Variants in SUN2 observed in about 807,000 individuals in gnomAD.
The protein encoded by SUN2 is Sad1 and UNC84 domain containing 2.
Under a neutral mutation model 100.0 loss-of-function variants are expected in SUN2, and 60 were observed. That is an observed-to-expected ratio of 0.60 (90% CI 0.49 to 0.74). SUN2 has a LOEUF of 0.74. Ranked by LOEUF, SUN2 falls within the 30% of genes least tolerant of loss-of-function variation. SUN2 has a pLI of 0.00. For synonymous variants in SUN2, 367 were observed against 403.3 expected (o/e 0.91, Z 1.08); for missense variants, 834 against 954.6 (o/e 0.87, Z 1.66).
rs1248932105 is a variant in SUN2 at position 38,735,497 on chromosome 22, C to T, written c.*770G>A. Reference sequence around the variant, plus strand: ...AAGCAAGCTCAGGGGCACTGGCAGGCCCTAGCAGGAACAGGGAGCAGGGTG... The same window carrying T: ...AAGCAAGCTCAGGGGCACTGGCAGGTCCTAGCAGGAACAGGGAGCAGGGTG... On this transcript the variant is annotated 3_prime_UTR_variant, in exon 18 of 18. Coordinates refer to ENST00000689035, the MANE Select transcript of SUN2 (RefSeq NM_015374.3). 3 of 289,958 alleles carry T rather than the reference C, an allele frequency of 1.0e-5. No individual in the cohort carries two copies. Among genetic ancestry groups the T allele is most frequent in the African/African-American group, 6.7e-5 (3 of 44,734 alleles). The allele number at this position is 289,958 out of a possible 1,614,324, so 18.0% of individuals were successfully genotyped here. A position where few individuals can be genotyped will look rare whatever the true frequency, so the allele number is the denominator to read the frequency against.
rs773530330 is a variant in SUN2, at chr22:38,739,023, C to T, written c.1664-35G>A. ...GAGAGGAAGGCAGGGTGGGCTCCCG[C>T]ACGGGAGGAGGGCCCCGCTCAGGCC... On this transcript the variant is annotated intron_variant, in intron 14 of 17. Coordinates refer to ENST00000689035, the MANE Select transcript of SUN2 (RefSeq NM_015374.3). The surrounding 1 kb of genome is among the most constrained non-coding windows in gnomAD (Gnocchi z 6.7). 2.5e-6 allele frequency: 4 copies of T among 1,577,052 alleles called. No individual in the cohort carries two copies. In the South Asian group the frequency reaches 4.6e-5, roughly 18 times the overall value.
Position 38,739,968 on chromosome 22 carries a change from C to A in SUN2, c.1357-25G>T, listed in dbSNP as rs768430255. On this transcript the variant is annotated intron_variant, in intron 12 of 17. Transcript: ENST00000689035. This position sits in a 1 kb window ranked among gnomAD's most constrained non-coding sequence, Gnocchi z 6.7. Reference sequence around the variant, plus strand: ...CCTATAGGAACCCAAAGGGGTGTCACCCTGGGGGGCTTGCAGGGACAGCAG... The same window carrying A: ...CCTATAGGAACCCAAAGGGGTGTCAACCTGGGGGGCTTGCAGGGACAGCAG... The A allele has an allele frequency of 5.6e-6, 9 of 1,601,348 alleles. No individual in the cohort carries two copies. In the African/African-American group the frequency reaches 6.7e-5, roughly 12 times the overall value.
chr22:38,750,472 G>A, intron 4 of SUN2, 152 bp from the exon 5 acceptor site: 1 of 1,442,738 alleles, frequency 6.9e-7, no homozygotes, highest in East Asian at 2.5e-5. Context: ...TGAAATGGGA[G>A]CTCTTTGACA....
At chr22:38,746,665 G>GTA (rs2092905881) in intron 7 of SUN2, among the ~76,000 whole-genome samples, 1 of 152,208 alleles carries the variant, frequency 6.6e-6, no homozygotes, top group African/African-American at 2.4e-5. Context: ...ACAAGGCCAT[G>GTA]GTGAAGCTCA....
At chr22:38,741,641 G>T in intron 9 of SUN2, 70 bp from the exon 10 acceptor site, 1 of 1,436,632 alleles carries the variant, frequency 7.0e-7, no homozygotes, top group Non-Finnish European at 9.8e-7. Context: ...ACTAGGAAGT[G>T]GCGGAACTGG....
chr22:38,750,270 C>G lies in SUN2; in HGVS notation c.475G>C (p.Val159Leu), dbSNP rs201453554. ...QSSSSRLRSA[V>L]SRAGSLLWMV... Reference sequence around the variant, plus strand: ...CAGAGTAAGGAGCCCGCCCGTGAGACGGCGCTTCGGAGCCGCGAGCTGGAA... The same window carrying G: ...CAGAGTAAGGAGCCCGCCCGTGAGAGGGCGCTTCGGAGCCGCGAGCTGGAA... Residue 159 changes from valine (V) to leucine (L), a missense_variant, in exon 5 of 18, where the codon GTC (valine) becomes CTC (leucine). By Grantham distance (32) the Val-to-Leu change is conservative (BLOSUM62 1). Around this residue, in one of 3 missense-constraint regions of SUN2, gnomAD observed 559 missense variants for 597.7 expected, o/e 0.94. Transcript: ENST00000689035. 1 of 1,613,822 alleles carries G rather than the reference C, an allele frequency of 6.2e-7. No homozygotes were observed. Among genetic ancestry groups the G allele is most frequent in the South Asian group, 1.1e-5 (1 of 91,086 alleles).
At chr22:38,742,009 G>A (rs148623613) in intron 9 of SUN2, among the ~76,000 whole-genome samples, 27 of 152,158 alleles carry the variant, frequency 1.8e-4, no homozygotes, top group African/African-American at 6.0e-4. Context: ...ATGTGGTGGT[G>A]CACGCCTGTA....
chr22:38,741,702 T>G (rs2044951186), intron 9 of SUN2, 131 bp from the exon 10 acceptor site: 30 of 789,180 alleles, frequency 3.8e-5, no homozygotes, highest in Non-Finnish European at 6.1e-5. Flanking sequence ...CAGCCTTCTC[T>G]GAACCACGCA....
At chr22:38,747,098 G>A (rs368508665) in intron 7 of SUN2, among the ~76,000 whole-genome samples, 14 of 152,180 alleles carry the variant, frequency 9.2e-5, no homozygotes, top group African/African-American at 3.1e-4. Context: ...TCGGGAGGCC[G>A]AGGCAGGTGG....
Position 38,737,089 on chromosome 22 carries a change from C to A in SUN2, c.2041-709G>T, listed in dbSNP as rs1207234929. Among the ~76,000 whole-genome samples, 1 of 152,156 alleles carries A rather than the reference C, an allele frequency of 6.6e-6. No individual in the cohort carries two copies. The highest frequency in any genetic ancestry group is 1.5e-5 in the Non-Finnish European group (1 of 68,034). On this transcript the variant is annotated intron_variant, in intron 17 of 17. Coordinates refer to ENST00000689035, the MANE Select transcript of SUN2 (RefSeq NM_015374.3). This position sits in a 1 kb window ranked among gnomAD's most constrained non-coding sequence, Gnocchi z 4.1. ...CTTGAACTCCTGGGCTCAAGCAATC[C>A]CCTCGCCTTGGCCTTGCAAAGTGCT...
At chr22:38,742,666 C>T (rs1040367663) in intron 8 of SUN2, 111 bp from the exon 9 acceptor site, 10 of 1,407,784 alleles carry the variant, frequency 7.1e-6, no homozygotes, top group South Asian at 7.0e-5. Context: ...ATTCCAGAGA[C>T]GTTCCAGCAT....
rs775025047 is a variant in SUN2 at position 38,749,819 on chromosome 22, G to T, written c.561C>A (p.Thr187=). The T allele has an allele frequency of 1.9e-6, 3 of 1,613,938 alleles. No individual in the cohort carries two copies. The highest frequency in any genetic ancestry group is 2.5e-6 in the Non-Finnish European group (3 of 1,180,012). The part of the protein sequence containing the change: ...FRLLYWWAGT[T]WYRLTTAASL... ...AGGCAGCTGTGGTCAGGCGGTACCA[G>T]GTGGTGCCAGCCCACCAGTAGAGAA... Residue 187 remains threonine (T), a synonymous_variant, in exon 6 of 18, where the codon ACC becomes ACA. Transcript: ENST00000689035.
At chr22:38,753,073 C>T (rs191701821) in intron 1 of SUN2, among the ~76,000 whole-genome samples, 64 of 152,316 alleles carry the variant, frequency 4.2e-4, no homozygotes, top group African/African-American at 1.4e-3. Flanking sequence ...GGTGGTCCAG[C>T]CACCCCACCT....
At position 38,745,771 on chromosome 22, in the gene SUN2, G is replaced by A. The variant is rs539723941; in HGVS notation, c.726C>T (p.His242=). 2.4e-5 allele frequency: 38 copies of A among 1,614,118 alleles called. 1 individual carries two copies. In the Middle Eastern group the frequency reaches 4.9e-4, roughly 21 times the overall value. Residue 242 remains histidine (H), a synonymous_variant, in exon 8 of 18, where the codon CAC becomes CAT. Coordinates refer to ENST00000689035, the MANE Select transcript of SUN2 (RefSeq NM_015374.3). ...YFYPYGLQTF[H]PALVSWWAAK... ...CTGCCCACCAGGAAACCAAAGCAGG[G>A]TGGAATGTCTGCAGCCCATAGGGGT...
At position 38,739,021 on chromosome 22, in the gene SUN2, C is replaced by T. The variant is rs929213622; in HGVS notation, c.1664-33G>A. ...AGGAGAGGAAGGCAGGGTGGGCTCCCGCACGGGAGGAGGGCCCCGCTCAGG... is the reference window on the plus strand; with the variant it reads ...AGGAGAGGAAGGCAGGGTGGGCTCCTGCACGGGAGGAGGGCCCCGCTCAGG... On this transcript the variant is annotated intron_variant, in intron 14 of 17. Transcript: ENST00000689035. The surrounding 1 kb of genome is among the most constrained non-coding windows in gnomAD (Gnocchi z 6.7). The T allele has an allele frequency of 8.2e-6, 13 of 1,579,422 alleles. 1 individual carries two copies. The highest frequency in any genetic ancestry group is 6.8e-5 in the African/African-American group (5 of 74,012).
Position 38,750,892 on chromosome 22 carries a change from G to C in SUN2, c.424+6C>G. On this transcript the variant is annotated splice_donor_region_variant and intron_variant, in intron 4 of 17. Coordinates refer to ENST00000689035, the MANE Select transcript of SUN2 (RefSeq NM_015374.3). ...ATCTGCTCAGGAGGGAGGAAGCATCGCCTACCCACGTAGTCGTCCTCAGAG... is the reference window on the plus strand; with the variant it reads ...ATCTGCTCAGGAGGGAGGAAGCATCCCCTACCCACGTAGTCGTCCTCAGAG... 1 of 1,613,924 alleles carries C rather than the reference G, an allele frequency of 6.2e-7. No homozygotes were observed. The highest frequency in any genetic ancestry group is 1.3e-5 in the African/African-American group (1 of 75,052).
chr22:38,747,771 C>T (rs1419275505), intron 7 of SUN2, among the ~76,000 whole-genome samples: 2 of 150,976 alleles, frequency 1.3e-5, no homozygotes, highest in African/African-American at 2.4e-5. Flanking sequence ...GGTGAAACCC[C>T]GTCTCTACTA....
At chr22:38,746,823 A>G (rs1218321003) in intron 7 of SUN2, among the ~76,000 whole-genome samples, 1 of 149,894 alleles carries the variant, frequency 6.7e-6, no homozygotes, top group African/African-American at 2.5e-5. Context: ...CGAGGTCAGG[A>G]GATCGAGACC....
Position 38,735,441 on chromosome 22 carries a change from T to G in SUN2, c.*826A>C, listed in dbSNP as rs935558353. ...AGATGCTAATGGCCCCAAAGACAGG[T>G]CTAGGTCTCCATACCCTGGGAGAAT... On this transcript the variant is annotated 3_prime_UTR_variant, in exon 18 of 18. Coordinates refer to ENST00000689035, the MANE Select transcript of SUN2 (RefSeq NM_015374.3). 3 of 326,170 alleles carry G rather than the reference T, an allele frequency of 9.2e-6. No homozygotes were observed. Among genetic ancestry groups the G allele is most frequent in the Non-Finnish European group, 1.2e-5 (2 of 165,676 alleles). 20.2% of individuals were successfully genotyped at this position (326,170 alleles called of 1,614,324 possible). A position where few individuals can be genotyped will look rare whatever the true frequency, so the allele number is the denominator to read the frequency against.
Sources: gnomAD v4.1 joint callset for allele counts (sites outside exome capture counted in the v4.1 genomes callset) on GRCh38, gnomAD v4.1.1 for gene constraint, gnomAD v4.1.1 regional missense constraint, Gnocchi (gnomAD v3.1) non-coding constraint, MANE v1.5 for transcripts, NCBI Gene and HGNC (gene_info 2026-07-23, HGNC 2026-07-21) for gene names.